Variants in CAPS2 observed in about 807,000 individuals in gnomAD.
CAPS2 encodes calcyphosin-2.
Under a neutral mutation model 86.5 loss-of-function variants are expected in CAPS2, and 98 were observed. The observed-to-expected ratio is 1.13, with a 90% CI of 0.96 to 1.34. The LOEUF is 1.34. Ranked by LOEUF, CAPS2 falls within the 40% of genes most tolerant of loss-of-function variation. The probability of loss-of-function intolerance (pLI) is 0.00; values close to 1 mark genes in which losing one functional copy is unlikely to be tolerated. For synonymous variants in CAPS2, 210 were observed against 225.1 expected (o/e 0.93, Z 0.60); for missense variants, 729 against 686.8 (o/e 1.06, Z -0.69).
rs2044178139 is a variant in CAPS2 at position 75,368,992 on chromosome 12, AC to A, written c.-395+21845del. ...AGTTATGTTTCATTTATGTTCTATG[AC>A]TTTTGACTTGTACTTTTTCTCTTTT... On this transcript the variant is annotated intron_variant, in intron 1 of 5. Coordinates refer to the CAPS2 transcript ENST00000551829. Among the ~76,000 whole-genome samples, 4 of 151,822 alleles carry A rather than the reference AC, an allele frequency of 2.6e-5. No homozygotes were observed. In the South Asian group the frequency reaches 8.3e-4, roughly 31 times the overall value.
intron 1 of CAPS2, among the ~76,000 whole-genome samples, chr12:75,363,820 C>T (rs768707537): frequency 6.6e-6 from 1 of 152,086 alleles, no homozygotes; most frequent in Non-Finnish European, 1.5e-5. Flanking sequence ...GGTCAGCCTA[C>T]AACTTGTTTT....
At chr12:75,362,332 G>A (rs2043650990) in intron 1 of CAPS2, among the ~76,000 whole-genome samples, 1 of 152,070 alleles carries the variant, frequency 6.6e-6, no homozygotes, top group African/African-American at 2.4e-5. Flanking sequence ...TTATTAGAAT[G>A]GCTAGAGAGT....
intron 1 of CAPS2, chr12:75,347,537 G>A (rs889867191): frequency 2.6e-6 from 2 of 773,582 alleles, no homozygotes; most frequent in Non-Finnish European, 4.3e-6. Flanking sequence ...TTTGTAGCAT[G>A]ACAAAGATTA....
At chr12:75,293,290 G>A (rs774968146) in exon 12 of CAPS2, 18 of 1,611,870 alleles carry the variant, frequency 1.1e-5, no homozygotes, top group Non-Finnish European at 1.5e-5. Context: ...TTGTGATTCG[G>A]AGTTTAAGTA....
intron 1 of CAPS2, among the ~76,000 whole-genome samples, chr12:75,340,531 A>C (rs187900716): frequency 1.5e-3 from 223 of 152,148 alleles, no homozygotes; most frequent in African/African-American, 5.0e-3. Context: ...CATATAATGA[A>C]TTATTTTGAT....
chr12:75,340,263 T>A (rs192258531), intron 1 of CAPS2, among the ~76,000 whole-genome samples: 2 of 148,676 alleles, frequency 1.3e-5, no homozygotes, highest in Admixed American at 1.3e-4. Flanking sequence ...GCTATAAACA[T>A]GTGTGTGCTA....
chr12:75,332,335 T>TA (rs2041389798), upstream of CAPS2, among the ~76,000 whole-genome samples: 1 of 152,256 alleles, frequency 6.6e-6, no homozygotes, highest in Admixed American at 6.5e-5. Flanking sequence ...AGCTCAACTT[T>TA]AAATTTTCAT....
intron 14 of CAPS2, 127 bp from the exon 15 acceptor site, chr12:75,285,207 A>C: frequency 1.2e-6 from 1 of 852,388 alleles, no homozygotes; most frequent in Non-Finnish European, 1.7e-6. Context: ...AAAATTGAAG[A>C]AGCTACATAA....
At chr12:75,344,542 TAG>T (rs1296610501) in intron 1 of CAPS2, among the ~76,000 whole-genome samples, 2 of 152,152 alleles carry the variant, frequency 1.3e-5, no homozygotes, top group Non-Finnish European at 2.9e-5. Context: ...GCATATGAGA[TAG>T]AGTTGCAATA....
chr12:75,276,320 G>C, downstream of CAPS2: 1 of 1,493,244 alleles, frequency 6.7e-7, no homozygotes, highest in Non-Finnish European at 8.9e-7. Context: ...TCTCATAAAA[G>C]CATGTTACAT....
intron 11 of CAPS2, 144 bp downstream of exon 11, chr12:75,298,543 A>G: frequency 1.8e-6 from 1 of 561,934 alleles, no homozygotes. Flanking sequence ...CAAAACATCA[A>G]CCATTAGCCC....
upstream of CAPS2, among the ~76,000 whole-genome samples, chr12:75,331,839 A>T (rs912211354): frequency 6.6e-6 from 1 of 152,160 alleles, no homozygotes; most frequent in African/African-American, 2.4e-5. Context: ...CTGGGATTAC[A>T]GGCGTGAGCC....
At position 75,359,742 on chromosome 12, in the gene CAPS2, A is replaced by G. The variant is rs186755529; in HGVS notation, c.-395+31096T>C. 3.4e-3 allele frequency: 513 copies of G among 152,260 alleles called. 2 individuals are homozygous for G. The highest frequency in any genetic ancestry group is 0.011 in the African/African-American group (473 of 41,568). 9.4% of individuals were successfully genotyped at this position (152,260 alleles called of 1,614,324 possible). ...AATGCACAAAGGTATTTCAGTGGAAAAAAAATTAATAAATCATACTGGAAC... is the reference window on the plus strand; with the variant it reads ...AATGCACAAAGGTATTTCAGTGGAAGAAAAATTAATAAATCATACTGGAAC... On this transcript the variant is annotated intron_variant, in intron 1 of 5. Transcript: ENST00000551829.
intron 14 of CAPS2, 88 bp from the exon 15 acceptor site, chr12:75,285,168 G>T: frequency 7.7e-7 from 1 of 1,299,964 alleles, no homozygotes; most frequent in Non-Finnish European, 1.1e-6. Context: ...TACATCTTCT[G>T]TAGTCCTAGA....
intron 1 of CAPS2, chr12:75,369,647 C>T (rs1189535968): frequency 1.9e-5 from 19 of 984,186 alleles, no homozygotes; most frequent in Non-Finnish European, 2.3e-5. Context: ...TACGTTTCTT[C>T]AGGGACGTGA....
At position 75,388,852 on chromosome 12, in the gene CAPS2, T is replaced by C. The variant is rs80268914; in HGVS notation, c.-395+1986A>G. On this transcript the variant is annotated intron_variant, in intron 1 of 5. Coordinates refer to the CAPS2 transcript ENST00000551829. ...GTAAATGTACTACTCTGTTGTGGGA[T>C]GTTGATAATGAGGGAGTTTATGTAT... Among the ~76,000 whole-genome samples the C allele has an allele frequency of 1.5e-3, 222 of 152,252 alleles. 2 individuals carry two copies. In the East Asian group the frequency reaches 0.019, roughly 13 times the overall value.
chr12:75,358,131 G>A (rs1054778260), intron 1 of CAPS2, among the ~76,000 whole-genome samples: 1 of 151,302 alleles, frequency 6.6e-6, no homozygotes, highest in Non-Finnish European at 1.5e-5. Flanking sequence ...AAAATAATAT[G>A]AGAACATAGG....
At chr12:75,385,974 T>G (rs2045270248) in intron 1 of CAPS2, among the ~76,000 whole-genome samples, 1 of 152,178 alleles carries the variant, frequency 6.6e-6, no homozygotes, top group South Asian at 2.1e-4. Context: ...AAATATTCCT[T>G]GTTCATAAAT....
rs777513432 is a variant in CAPS2, at chr12:75,282,360, A to ATAT, written c.1516-16_1516-14dup. On this transcript the variant is annotated splice_polypyrimidine_tract_variant and intron_variant, in intron 15 of 16. Coordinates refer to ENST00000393284, the Ensembl canonical transcript of CAPS2. ...GTTTCATAAAGGCCTAAACAGACAA[A>ATAT]TATTATTATTATTAGTTTGTTGGTT... is the stretch of plus-strand genomic sequence containing the variant. 10 of 1,488,048 alleles carry ATAT rather than the reference A, an allele frequency of 6.7e-6. No individual in the cohort carries two copies. The highest frequency in any genetic ancestry group is 9.4e-6 in the Non-Finnish European group (10 of 1,065,856). The allele number at this position is 1,488,048 out of a possible 1,614,324, so 92.2% of individuals were successfully genotyped here.
Sources: allele counts gnomAD v4.1 joint callset (sites outside exome capture counted in the v4.1 genomes callset), GRCh38; gene constraint gnomAD v4.1.1; transcripts MANE v1.5; gene names NCBI Gene and HGNC (gene_info 2026-07-23, HGNC 2026-07-21).